The following CDH12 variants were observed in gnomAD, a reference collection of about 807,000 sequenced individuals.
The protein encoded by CDH12 is cadherin-12.
Under a neutral mutation model 74.1 loss-of-function variants are expected in CDH12, and 41 were observed. The observed-to-expected ratio is 0.55, with a 90% CI of 0.43 to 0.72. CDH12 has a LOEUF of 0.72. Ranked by LOEUF, CDH12 falls within the 30% of genes least tolerant of loss-of-function variation. The pLI, the probability that CDH12 is intolerant of heterozygous loss-of-function variation, is 0.00. For synonymous variants in CDH12, 399 were observed against 355.0 expected, an observed-to-expected ratio of 1.12 and a Z score of -1.39; for missense variants, 945 against 977.2, an observed-to-expected ratio of 0.97 and a Z score of 0.44.
intron 2 of CDH12, among the ~76,000 whole-genome samples, chr5:22,480,521 G>T (rs948587030): frequency 1.3e-5 from 2 of 151,546 alleles, no homozygotes; most frequent in African/African-American, 4.9e-5. Flanking sequence ...GGAATTTGAG[G>T]CTGCAGTGAG....
chr5:22,473,217 A>T (rs772701479), intron 2 of CDH12, among the ~76,000 whole-genome samples: 3 of 152,136 alleles, frequency 2.0e-5, no homozygotes, highest in African/African-American at 7.2e-5. Flanking sequence ...AAAATTTATT[A>T]AAAAGCCTTT....
chr5:22,587,758 T>C (rs1740475375), intron 1 of CDH12, among the ~76,000 whole-genome samples: 1 of 152,034 alleles, frequency 6.6e-6, no homozygotes, highest in Admixed American at 6.6e-5. Context: ...CCCCGAATTA[T>C]ATGGACCTAG....
intron 3 of CDH12, among the ~76,000 whole-genome samples, chr5:22,295,920 A>G (rs1007918482): frequency 5.3e-5 from 8 of 152,086 alleles, no homozygotes; most frequent in Non-Finnish European, 1.2e-4. Flanking sequence ...TAACAGTTGC[A>G]TATTTATAAT....
chr5:22,076,942 T>C (rs1009979769), intron 5 of CDH12, among the ~76,000 whole-genome samples: 1 of 152,016 alleles, frequency 6.6e-6, no homozygotes, highest in Non-Finnish European at 1.5e-5. Flanking sequence ...GCCCTGTGGA[T>C]CTTTAGGGAT....
intron 13 of CDH12, among the ~76,000 whole-genome samples, chr5:21,757,743 G>A (rs754424353): frequency 1.3e-5 from 2 of 151,866 alleles, no homozygotes; most frequent in Non-Finnish European, 2.9e-5. Context: ...AAGATACGTT[G>A]TGGAAAATAG....
intron 6 of CDH12, among the ~76,000 whole-genome samples, chr5:21,880,613 TTCC>T (rs1561268369): frequency 1.4e-4 from 12 of 88,502 alleles, no homozygotes; most frequent in African/African-American, 5.5e-4. Context: ...CCTTCCTTCC[TTCC>T]TTCTTTCTTT....
At chr5:22,742,027 A>C (rs1339823796) in intron 1 of CDH12, among the ~76,000 whole-genome samples, 3 of 152,088 alleles carry the variant, frequency 2.0e-5, no homozygotes, top group Non-Finnish European at 4.4e-5. Flanking sequence ...CTAAAAATAC[A>C]AAAGGTAGCT....
Position 21,842,282 on chromosome 5 carries a change from T to C in CDH12, c.693A>G (p.Glu231=). ...ALPNMDREVK[E]QYQVLIQAKD... ...TGGCTTGGATGAGTACTTGATATTG[T>C]TCTTTGACTTCTCTGTCCATGTTTG... Residue 231 remains glutamate, a synonymous_variant, in exon 8 of 15, where the codon GAA becomes GAG. Coordinates refer to ENST00000382254, the MANE Select transcript of CDH12 (RefSeq NM_004061.5). 6.2e-7 allele frequency: 1 copy of C among 1,613,002 alleles called. No homozygotes were observed. Among genetic ancestry groups the C allele is most frequent in the South Asian group, 1.1e-5 (1 of 90,920 alleles).
At chr5:22,505,573 G>T (rs962649600) in intron 1 of CDH12, among the ~76,000 whole-genome samples, 18 of 152,000 alleles carry the variant, frequency 1.2e-4, no homozygotes, top group African/African-American at 4.3e-4. Context: ...TACTTACAAT[G>T]CTGCTTTTGA....
intron 11 of CDH12, among the ~76,000 whole-genome samples, chr5:21,773,711 TATTCATCTACTAAGGA>T (rs372764388): frequency 0.015 from 2,299 of 152,264 alleles, 64 homozygotes; most frequent in African/African-American, 0.05. Flanking sequence ...CCCCTTCAGA[TATTCATCTACTAAGGA>T]ATTCATCTAC....
intron 1 of CDH12, among the ~76,000 whole-genome samples, chr5:22,780,503 C>T (rs549867853): frequency 1.8e-4 from 28 of 152,216 alleles, no homozygotes; most frequent in African/African-American, 6.3e-4. Context: ...ACCTTCTTCA[C>T]AGGGCATCAG....
intron 3 of CDH12, among the ~76,000 whole-genome samples, chr5:22,218,462 A>C (rs2150367369): frequency 6.6e-6 from 1 of 151,880 alleles, no homozygotes. Context: ...TGCTGATATA[A>C]AACAAGCCAG....
intron 6 of CDH12, among the ~76,000 whole-genome samples, chr5:21,970,761 ACCTGGAAGGCAGAGGTTGCAGTGCG>A (rs1756808895): frequency 7.1e-6 from 1 of 141,176 alleles, no homozygotes; most frequent in Non-Finnish European, 1.5e-5. Context: ...AATCACTTGA[ACCTGGAAGGCAGAGGTTGCAGTGCG>A]CCAAGACCAT....
intron 4 of CDH12, among the ~76,000 whole-genome samples, chr5:22,144,424 AAC>A (rs1747023223): frequency 6.6e-6 from 1 of 152,186 alleles, no homozygotes; most frequent in Middle Eastern, 3.2e-3. Flanking sequence ...TACTAATCAT[AAC>A]AGTGTTAGTT....
At chr5:21,820,618 A>C (rs1748316393) in intron 8 of CDH12, among the ~76,000 whole-genome samples, 1 of 152,048 alleles carries the variant, frequency 6.6e-6, no homozygotes, top group African/African-American at 2.4e-5. Flanking sequence ...AGCTGGTAAT[A>C]AAGTCTGCAG....
At chr5:21,860,848 G>GACA (rs769856424) in intron 6 of CDH12, among the ~76,000 whole-genome samples, 263 of 152,110 alleles carry the variant, frequency 1.7e-3, no homozygotes, top group Non-Finnish European at 3.3e-3. Flanking sequence ...GACTTGAACT[G>GACA]GCTTCCTTGC....
At chr5:21,816,755 G>T (rs547763821) in intron 9 of CDH12, among the ~76,000 whole-genome samples, 190 bp downstream of exon 9, 11 of 149,130 alleles carry the variant, frequency 7.4e-5, no homozygotes, top group African/African-American at 2.7e-4. Flanking sequence ...CGGAAATTTT[G>T]TAAGATCCAA....
At position 21,791,074 on chromosome 5, in the gene CDH12, C is replaced by T. The variant is rs572894924; in HGVS notation, c.1257-7580G>A. 8.5e-5 allele frequency among the ~76,000 whole-genome samples: 13 copies of T among 152,074 alleles called. No homozygotes were observed. In the South Asian group the frequency reaches 2.3e-3, roughly 27 times the overall value. On this transcript the variant is annotated intron_variant, in intron 10 of 14. Transcript: ENST00000382254. Reference sequence around the variant, plus strand: ...ATATCTTCTGGAATATAGCTGACACCCATTTGAACAGTTCCTACTCAGCTA... The same window carrying T: ...ATATCTTCTGGAATATAGCTGACACTCATTTGAACAGTTCCTACTCAGCTA...
chr5:22,360,554 A>C (rs987842045), intron 3 of CDH12, among the ~76,000 whole-genome samples: 9 of 152,228 alleles, frequency 5.9e-5, no homozygotes, highest in Non-Finnish European at 8.8e-5. Flanking sequence ...ATAGGAAAAG[A>C]GGAAATCCTC....
Sources: allele counts gnomAD v4.1 joint callset (sites outside exome capture counted in the v4.1 genomes callset), GRCh38; gene constraint gnomAD v4.1.1; transcripts MANE v1.5; gene names NCBI Gene and HGNC (gene_info 2026-07-23, HGNC 2026-07-21).